Variants in C18orf63 observed in about 807,000 individuals in gnomAD.
The protein encoded by C18orf63 is chromosome 18 open reading frame 63.
In C18orf63, 50 loss-of-function variants were observed where a neutral mutation model predicts 75.3. That is an observed-to-expected ratio of 0.66 (90% confidence interval 0.53 to 0.84). The LOEUF (loss-of-function observed/expected upper bound fraction) is 0.84. Ranked by LOEUF, C18orf63 falls within the 40% of genes least tolerant of loss-of-function variation. The probability of loss-of-function intolerance (pLI) is 0.00; values close to 1 mark genes in which losing one functional copy is unlikely to be tolerated. For missense variants in C18orf63, 732 were observed against 800.2 expected (o/e 0.91, Z 1.03); for synonymous variants, 232 against 267.6 (o/e 0.87, Z 1.30).
chr18:74,346,401 T>A (rs1984575660), intron 11 of C18orf63, among the ~76,000 whole-genome samples: 1 of 152,148 alleles, frequency 6.6e-6, no homozygotes, highest in Non-Finnish European at 1.5e-5. Context: ...GAGTTGTTTA[T>A]CTTCCTGGTC....
intron 7 of C18orf63, 73 bp from the exon 8 acceptor site, chr18:74,338,642 A>G: frequency 1.7e-6 from 1 of 582,368 alleles, no homozygotes; most frequent in South Asian, 4.1e-5. Context: ...TGTGTAACAA[A>G]TATGTATCTT....
rs1202344532 is a variant in C18orf63, at chr18:74,353,235, A to G, written c.979-11A>G. 23 of 1,517,580 alleles carry G rather than the reference A, an allele frequency of 1.5e-5. No individual in the cohort carries two copies. Among genetic ancestry groups the G allele is most frequent in the Admixed American group, 1.4e-4 (7 of 49,420 alleles). The allele number at this position is 1,517,580 out of a possible 1,614,324, so 94.0% of individuals were successfully genotyped here. A position where few individuals can be genotyped will look rare whatever the true frequency, so the allele number is the denominator to read the frequency against. On this transcript the variant is annotated splice_polypyrimidine_tract_variant and intron_variant, in intron 11 of 13. Transcript: ENST00000579455. ...CATTTTAAATTTTTTTTTAATCTCTATCCTTTTCAGGAACACAAAGTCAAG... is the reference window on the plus strand; with the variant it reads ...CATTTTAAATTTTTTTTTAATCTCTGTCCTTTTCAGGAACACAAAGTCAAG...
chr18:74,317,656 G>C (rs1434281549), intron 1 of C18orf63, among the ~76,000 whole-genome samples, 178 bp from the exon 2 acceptor site: 2 of 152,208 alleles, frequency 1.3e-5, no homozygotes, highest in African/African-American at 4.8e-5. Flanking sequence ...AAAAATCCTA[G>C]AAAATCATTA....
intron 7 of C18orf63, among the ~76,000 whole-genome samples, chr18:74,331,732 C>T (rs575864534): frequency 1.9e-4 from 29 of 152,258 alleles, no homozygotes; most frequent in African/African-American, 6.5e-4. Flanking sequence ...AAACCCCAGG[C>T]ATAGAACAAA....
At chr18:74,342,380 G>A in intron 10 of C18orf63, 54 bp downstream of exon 10, 1 of 1,069,724 alleles carries the variant, frequency 9.3e-7, no homozygotes, top group Non-Finnish European at 1.4e-6. Flanking sequence ...TTATAATCTA[G>A]TTTTGCTCCC....
At chr18:74,328,924 C>A in intron 5 of C18orf63, 71 bp from the exon 6 acceptor site, 1 of 838,720 alleles carries the variant, frequency 1.2e-6, no homozygotes, top group Non-Finnish European at 1.9e-6. Flanking sequence ...TCACATCAAG[C>A]ATAGTTATAA....
chr18:74,318,440 T>A (rs1568233963), intron 2 of C18orf63, among the ~76,000 whole-genome samples: 1 of 152,156 alleles, frequency 6.6e-6, no homozygotes, highest in Non-Finnish European at 1.5e-5. Context: ...TGAGACACTG[T>A]GGAGTATTTC....
chr18:74,357,033 T>C lies in C18orf63; in HGVS notation c.*586T>C, dbSNP rs181184827. The C allele has an allele frequency of 1.2e-4, 19 of 152,322 alleles. No homozygotes were observed. Among genetic ancestry groups the C allele is most frequent in the African/African-American group, 4.6e-4 (19 of 41,578 alleles). 9.4% of individuals were successfully genotyped at this position (152,322 alleles called of 1,614,324 possible). A position where few individuals can be genotyped will look rare whatever the true frequency, so the allele number is the denominator to read the frequency against. On this transcript the variant is annotated 3_prime_UTR_variant, in exon 14 of 14. Coordinates refer to ENST00000579455, the MANE Select transcript of C18orf63 (RefSeq NM_001174123.2). ...TTAAGAAAAAAAGAATGTGTATATA[T>C]ATATTACATTTTGGGGATCTCTACT...
In C18orf63 at chr18:74,343,696, T is replaced by C; in HGVS notation, c.972T>C (p.Asn324=). ...ACACACAAGAACTAACTAAACCTAATATACAGGTAAGAGATCTCTTGTCCT... is the reference window on the plus strand; with the variant it reads ...ACACACAAGAACTAACTAAACCTAACATACAGGTAAGAGATCTCTTGTCCT... ...CYYTQELTKP[N]IQEHKVKPPN... Residue 324 remains asparagine (N), a synonymous_variant, in exon 11 of 14, where the codon AAT becomes AAC. Transcript: ENST00000579455. 1.3e-6 allele frequency: 2 copies of C among 1,512,092 alleles called. No homozygotes were observed. Among genetic ancestry groups the C allele is most frequent in the Non-Finnish European group, 8.8e-7 (1 of 1,134,244 alleles). 93.7% of individuals were successfully genotyped at this position (1,512,092 alleles called of 1,614,324 possible).
At chr18:74,352,268 T>C (rs1475527366) in intron 11 of C18orf63, among the ~76,000 whole-genome samples, 1 of 152,204 alleles carries the variant, frequency 6.6e-6, no homozygotes. Context: ...AATTACTATT[T>C]ACAGAGTACA....
chr18:74,358,593 T>C lies in C18orf63; in HGVS notation c.*2146T>C, dbSNP rs1984810008. On this transcript the variant is annotated 3_prime_UTR_variant, in exon 14 of 14. Transcript: ENST00000579455. ...CTTTGTGTAAGTTATTGGTGATTTATATGCAGTATGGACCATCCTCCCCCC... is the reference window on the plus strand; with the variant it reads ...CTTTGTGTAAGTTATTGGTGATTTACATGCAGTATGGACCATCCTCCCCCC... 6.6e-6 allele frequency: 1 copy of C among 152,144 alleles called. No homozygotes were observed. The highest frequency in any genetic ancestry group is 1.5e-5 in the Non-Finnish European group (1 of 68,008). The allele number at this position is 152,144 out of a possible 1,614,324, so 9.4% of individuals were successfully genotyped here. A position where few individuals can be genotyped will look rare whatever the true frequency, so the allele number is the denominator to read the frequency against.
chr18:74,348,090 A>G (rs1387555389), intron 11 of C18orf63, among the ~76,000 whole-genome samples: 1 of 152,196 alleles, frequency 6.6e-6, no homozygotes, highest in African/African-American at 2.4e-5. Flanking sequence ...TTTATCTCAC[A>G]CAGACTTATT....
rs548499134 is a variant in C18orf63, at chr18:74,342,282, A to G, written c.750A>G (p.Ile250Met). Reference sequence around the variant, plus strand: ...CAGGTGATTGTGGAAAAATTAAAATATACTGCAACATCTATTTCAAAATGC... The same window carrying G: ...CAGGTGATTGTGGAAAAATTAAAATGTACTGCAACATCTATTTCAAAATGC... ...KLPGDCGKIK[I>M]YCNIYFKMLG... Residue 250 changes from isoleucine to methionine, a missense_variant, in exon 10 of 14, where the codon ATA becomes ATG. Transcript: ENST00000579455. The G allele has an allele frequency of 3.1e-5, 47 of 1,533,680 alleles. No individual in the cohort carries two copies. The African/African-American group carries it at 4.8e-4, about 16-fold the overall frequency.
chr18:74,319,239 C>T (rs113154757), intron 2 of C18orf63, among the ~76,000 whole-genome samples: 2,062 of 152,204 alleles, frequency 0.014, 26 homozygotes, highest in South Asian at 0.047. Context: ...GTTATCTTCA[C>T]TCACCCTCCC....
intron 4 of C18orf63, among the ~76,000 whole-genome samples, chr18:74,326,642 A>C (rs944743921): frequency 6.6e-6 from 1 of 152,082 alleles, no homozygotes; most frequent in Non-Finnish European, 1.5e-5. Flanking sequence ...TATCATCAAG[A>C]AGCTGGGGAA....
chr18:74,331,623 GAA>G (rs1984308921), intron 7 of C18orf63, among the ~76,000 whole-genome samples: 2 of 152,284 alleles, frequency 1.3e-5, no homozygotes, highest in East Asian at 3.9e-4. Context: ...AGAGGCCAGA[GAA>G]GGGATGCTAA....
chr18:74,349,646 G>A (rs891220012), intron 11 of C18orf63, among the ~76,000 whole-genome samples: 1 of 152,210 alleles, frequency 6.6e-6, no homozygotes, highest in Admixed American at 6.5e-5. Context: ...ATCTGAGATG[G>A]AACAGTTTCA....
chr18:74,354,804 A>T (rs763078351), intron 13 of C18orf63, among the ~76,000 whole-genome samples: 1 of 152,176 alleles, frequency 6.6e-6, no homozygotes, highest in African/African-American at 2.4e-5. Context: ...TGTTCTGGGG[A>T]TCCTTGCAGA....
At chr18:74,322,584 G>A (rs1351939425) in intron 3 of C18orf63, 114 bp from the exon 4 acceptor site, 3 of 329,304 alleles carry the variant, frequency 9.1e-6, no homozygotes, top group Non-Finnish European at 1.6e-5. Context: ...ACCCTAATTG[G>A]ATGATGGCCT....
Sources: gnomAD v4.1 joint callset for allele counts (sites outside exome capture counted in the v4.1 genomes callset) on GRCh38, gnomAD v4.1.1 for gene constraint, MANE v1.5 for transcripts, NCBI Gene and HGNC (gene_info 2026-07-23, HGNC 2026-07-21) for gene names.